Variants in OR6B1 observed in about 807,000 individuals in gnomAD.
OR6B1 encodes olfactory receptor 6B1.
In OR6B1, 15 loss-of-function variants were observed where a neutral mutation model predicts 15.4. That is an observed-to-expected ratio of 0.97 (90% CI 0.65 to 1.50). OR6B1 has a LOEUF of 1.50. Among genes scored for constraint, OR6B1 ranks in the 40% most tolerant of loss-of-function variants. The pLI, the probability that OR6B1 is intolerant of heterozygous loss-of-function variation, is 0.00. For missense variants in OR6B1, 384 were observed against 385.0 expected, an observed-to-expected ratio of 1.00 and a Z score of 0.02; for synonymous variants, 139 against 144.9, an observed-to-expected ratio of 0.96 and a Z score of 0.29.
In OR6B1 at chr7:144,007,609, G is replaced by T. The variant is rs2050632662; in HGVS notation, c.*2677G>T. The T allele has an allele frequency of 6.6e-6, 1 of 151,854 alleles. No individual in the cohort carries two copies. 9.4% of individuals were successfully genotyped at this position (151,854 alleles called of 1,614,324 possible). On this transcript the variant is annotated 3_prime_UTR_variant, in exon 2 of 2. Transcript: ENST00000641698. ...TAAAGATCTATTATGTACGTGTAGG[G>T]ATACAATAGCAAAATATTAAAACTT...
rs2050636570 is a variant in OR6B1, at chr7:144,008,028, C to A, written c.*3096C>A. On this transcript the variant is annotated 3_prime_UTR_variant, in exon 2 of 2. Transcript: ENST00000641698. Reference sequence around the variant, plus strand: ...AAGCTGGAAGATATAAGTAATGATTCTCCCCCCCTAGAGCTGTCAAAGGAA... The same window carrying A: ...AAGCTGGAAGATATAAGTAATGATTATCCCCCCCTAGAGCTGTCAAAGGAA... The A allele has an allele frequency of 6.6e-6, 1 of 152,322 alleles. No homozygotes were observed. Among genetic ancestry groups the A allele is most frequent in the Middle Eastern group, 3.4e-3 (1 of 296 alleles). 9.4% of individuals were successfully genotyped at this position (152,322 alleles called of 1,614,324 possible).
rs766092045 is a variant in OR6B1 at position 144,004,379 on chromosome 7, G to T, written c.383G>T (p.Arg128Leu). The T allele has an allele frequency of 1.2e-6, 2 of 1,613,926 alleles. No individual in the cohort carries two copies. The highest frequency in any genetic ancestry group is 1.7e-6 in the Non-Finnish European group (2 of 1,180,012). ...TATGACCGGTATGTGGCCATCTGTC[G>T]CCCACTCCACTACCCAACCATAATG... ...MAYDRYVAIC[R>L]PLHYPTIMSH... The change falls in exon 2 of 2, where the codon CGC becomes CTC. Residue 128 changes from arginine to leucine, a missense_variant. By Grantham distance (102) the Arg-to-Leu change is moderately radical (BLOSUM62 -2). Transcript: ENST00000641698.
At position 144,004,055 on chromosome 7, in the gene OR6B1, G is replaced by C; in HGVS notation, c.59G>C (p.Ser20Thr). Residue 20 changes from serine to threonine, a missense_variant, in exon 2 of 2, where the codon AGC becomes ACC. Ser to Thr is a moderately conservative substitution (Grantham distance 58). Transcript: ENST00000641698. ...TTCATTCTGGTGGGATTCCCTGGGA[G>C]CTTGAGTATGCGGGCAGCCATGTTT... Reference protein sequence around the residue: ...TKFILVGFPGSLSMRAAMFLI... With the variant: ...TKFILVGFPGTLSMRAAMFLI... 1 of 1,614,072 alleles carries C rather than the reference G, an allele frequency of 6.2e-7. No homozygotes were observed. Among genetic ancestry groups the C allele is most frequent in the Non-Finnish European group, 8.5e-7 (1 of 1,179,994 alleles).
In OR6B1 at chr7:144,004,077, G is replaced by T. The variant is rs2050602588; in HGVS notation, c.81G>T (p.Met27Ile). The change falls in exon 2 of 2, where the codon ATG (methionine) becomes ATT (isoleucine). Residue 27 changes from methionine (M) to isoleucine (I), a missense_variant. Coordinates refer to ENST00000641698, the MANE Select transcript of OR6B1 (RefSeq NM_001005281.3). ...GGAGCTTGAGTATGCGGGCAGCCAT[G>T]TTTCTGATATTCCTTGTGGCCTATA... ...FPGSLSMRAA[M>I]FLIFLVAYIL... 6.2e-7 allele frequency: 1 copy of T among 1,613,986 alleles called. No individual in the cohort carries two copies. The highest frequency in any genetic ancestry group is 1.1e-5 in the South Asian group (1 of 91,084).
At position 144,004,296 on chromosome 7, in the gene OR6B1, A is replaced by G. The variant is rs182442940; in HGVS notation, c.300A>G (p.Gln100=). Residue 100 remains glutamine (Q), a synonymous_variant, in exon 2 of 2, where the codon CAA becomes CAG. Coordinates refer to ENST00000641698, the MANE Select transcript of OR6B1 (RefSeq NM_001005281.3). ...TCTCTTTCACACTCTGTATGATACA[A>G]CTGTACTTCTTCATTGCTCTCATGT... ...NSISFTLCMI[Q]LYFFIALMCT... is the part of the protein sequence containing the mutation. 8 of 1,614,132 alleles carry G rather than the reference A, an allele frequency of 5.0e-6. 1 individual carries two copies. The South Asian group carries it at 6.6e-5, about 13-fold the overall frequency.
Position 144,003,810 on chromosome 7 carries a change from C to T in OR6B1, c.-25-162C>T, listed in dbSNP as rs865799943. The T allele has an allele frequency of 2.5e-5, 15 of 592,162 alleles. No individual in the cohort carries two copies. The East Asian group carries it at 3.4e-4, about 13-fold the overall frequency. 36.7% of individuals were successfully genotyped at this position (592,162 alleles called of 1,614,324 possible). On this transcript the variant is annotated intron_variant, in intron 1 of 1. Transcript: ENST00000641698. ...ACACACACACACACACACACACACA[C>T]GGCTATGTGGAAATTAAATTACGTT...
chr7:144,006,185 A>C lies in OR6B1; in HGVS notation c.*1253A>C, dbSNP rs537576683. Reference sequence around the variant, plus strand: ...TATAAACTTCCAGAACAGATGTTCAAGGAAGTAAATAACATACAACCACAG... The same window carrying C: ...TATAAACTTCCAGAACAGATGTTCACGGAAGTAAATAACATACAACCACAG... On this transcript the variant is annotated 3_prime_UTR_variant, in exon 2 of 2. Coordinates refer to ENST00000641698, the MANE Select transcript of OR6B1 (RefSeq NM_001005281.3). 5 of 152,362 alleles carry C rather than the reference A, an allele frequency of 3.3e-5. No individual in the cohort carries two copies. The East Asian group carries it at 5.8e-4, about 18-fold the overall frequency. 9.4% of individuals were successfully genotyped at this position (152,362 alleles called of 1,614,324 possible). A position where few individuals can be genotyped will look rare whatever the true frequency, so the allele number is the denominator to read the frequency against.
Position 144,004,989 on chromosome 7 carries a change from A to G in OR6B1, c.*57A>G, listed in dbSNP as rs1468391548. ...AGTGGGTGCCTGTATGTCTTCCTCC[A>G]TCCTTTCTCCTTTAACGACTCAGTT... is the stretch of plus-strand genomic sequence containing the variant. On this transcript the variant is annotated 3_prime_UTR_variant, in exon 2 of 2. Transcript: ENST00000641698. 1.5e-5 allele frequency: 19 copies of G among 1,258,882 alleles called. No homozygotes were observed. The highest frequency in any genetic ancestry group is 2.1e-5 in the Non-Finnish European group (19 of 913,206). The allele number at this position is 1,258,882 out of a possible 1,614,324, so 78.0% of individuals were successfully genotyped here.
At chr7:144,000,725 C>A (rs1164341102) in intron 1 of OR6B1, 75 bp downstream of exon 1, 1 of 152,632 alleles carries the variant, frequency 6.6e-6, no homozygotes, top group Non-Finnish European at 1.5e-5. Flanking sequence ...AGCGCAGCAA[C>A]ATTTAAACTC....
intron 1 of OR6B1, among the ~76,000 whole-genome samples, chr7:144,001,752 G>T (rs978917457): frequency 6.6e-6 from 1 of 152,034 alleles, no homozygotes; most frequent in Admixed American, 6.6e-5. Flanking sequence ...GCCCACTCAC[G>T]CAGCAATTAT....
chr7:144,004,286 G>A lies in OR6B1; in HGVS notation c.290G>A (p.Cys97Tyr). Reference protein sequence around the residue: ...SVNNSISFTLCMIQLYFFIAL... With the variant: ...SVNNSISFTLYMIQLYFFIAL... ...AACAACAGCATCTCTTTCACACTCTGTATGATACAACTGTACTTCTTCATT... is the reference window on the plus strand; with the variant it reads ...AACAACAGCATCTCTTTCACACTCTATATGATACAACTGTACTTCTTCATT... Residue 97 changes from cysteine to tyrosine, a missense_variant, in exon 2 of 2, where the codon TGT becomes TAT. By Grantham distance (194) the Cys-to-Tyr change is radical. Transcript: ENST00000641698. 1 of 1,614,192 alleles carries A rather than the reference G, an allele frequency of 6.2e-7. No individual in the cohort carries two copies. Among genetic ancestry groups the A allele is most frequent in the Non-Finnish European group, 8.5e-7 (1 of 1,180,032 alleles).
Position 144,004,849 on chromosome 7 carries a change from C to T in OR6B1, c.853C>T (p.Pro285Ser). The change falls in exon 2 of 2, where the codon CCT (proline) becomes TCT (serine). Residue 285 changes from proline to serine, a missense_variant. Transcript: ENST00000641698. ...TGCCATTGTCACTCCTTCTCTCAAC[C>T]CTTTCATTTATTGCCTAAGAAACCG... ...FYAIVTPSLNPFIYCLRNREV... is the reference protein window; with the variant it reads ...FYAIVTPSLNSFIYCLRNREV... 1.2e-6 allele frequency: 2 copies of T among 1,613,398 alleles called. No homozygotes were observed. The highest frequency in any genetic ancestry group is 1.7e-6 in the Non-Finnish European group (2 of 1,180,028).
chr7:144,004,893 G>A lies in OR6B1; in HGVS notation c.897G>A (p.Leu299=), dbSNP rs1007744386. Residue 299 remains leucine (L), a synonymous_variant, in exon 2 of 2, where the codon CTG becomes CTA. Coordinates refer to ENST00000641698, the MANE Select transcript of OR6B1 (RefSeq NM_001005281.3). ...CLRNREVKEA[L]KKLAYCQASR... ...GAAACCGAGAGGTCAAGGAAGCTCTGAAGAAACTGGCATATTGCCAGGCCA... is the reference window on the plus strand; with the variant it reads ...GAAACCGAGAGGTCAAGGAAGCTCTAAAGAAACTGGCATATTGCCAGGCCA... 6.2e-6 allele frequency: 10 copies of A among 1,608,620 alleles called. No homozygotes were observed. In the African/African-American group the frequency reaches 1.2e-4, roughly 19 times the overall value.
Position 144,004,508 on chromosome 7 carries a change from C to T in OR6B1, c.512C>T (p.Pro171Leu). 2 of 1,614,168 alleles carry T rather than the reference C, an allele frequency of 1.2e-6. No homozygotes were observed. The highest frequency in any genetic ancestry group is 2.2e-5 in the South Asian group (2 of 91,080). Residue 171 changes from proline (P) to leucine (L), a missense_variant, in exon 2 of 2, where the codon CCC becomes CTC. Pro to Leu is a moderately conservative substitution (Grantham distance 98). Transcript: ENST00000641698. Reference sequence around the variant, plus strand: ...ATCTCCTGCCTCAGCTTCTGTGGTCCCAATGTCATCAACCACTTCTTCTGT... The same window carrying T: ...ATCTCCTGCCTCAGCTTCTGTGGTCTCAATGTCATCAACCACTTCTTCTGT... ...YFISCLSFCG[P>L]NVINHFFCDI...
In OR6B1 at chr7:144,003,913, C is replaced by A. The variant is rs1049837839; in HGVS notation, c.-25-59C>A. 15 of 872,790 alleles carry A rather than the reference C, an allele frequency of 1.7e-5. No homozygotes were observed. In the Admixed American group the frequency reaches 3.8e-4, roughly 22 times the overall value. The allele number at this position is 872,790 out of a possible 1,614,324, so 54.1% of individuals were successfully genotyped here. A position where few individuals can be genotyped will look rare whatever the true frequency, so the allele number is the denominator to read the frequency against. ...TGATAACTATTACTGATAGAGAAGA[C>A]AAGTATGGAAAAATATAGCTGGGCC... On this transcript the variant is annotated intron_variant, in intron 1 of 1. Transcript: ENST00000641698.
rs1488673674 is a variant in OR6B1, at chr7:144,008,584, C to G, written c.*3652C>G. 1.3e-5 allele frequency: 2 copies of G among 152,142 alleles called. No individual in the cohort carries two copies. Among genetic ancestry groups the G allele is most frequent in the African/African-American group, 2.4e-5 (1 of 41,406 alleles). The allele number at this position is 152,142 out of a possible 1,614,324, so 9.4% of individuals were successfully genotyped here. On this transcript the variant is annotated 3_prime_UTR_variant, in exon 2 of 2. Coordinates refer to ENST00000641698, the MANE Select transcript of OR6B1 (RefSeq NM_001005281.3). ...TGATTGCATCATGGGGGTGGTTCCC[C>G]CATGCTGTTCTCATGATAGTGAGTG...
At chr7:144,001,756 C>T (rs544012968) in intron 1 of OR6B1, among the ~76,000 whole-genome samples, 1 of 152,302 alleles carries the variant, frequency 6.6e-6, no homozygotes, top group South Asian at 2.1e-4. Context: ...ACTCACGCAG[C>T]AATTATGAGT....
At position 144,004,555 on chromosome 7, in the gene OR6B1, C is replaced by T; in HGVS notation, c.559C>T (p.Leu187Phe). The change falls in exon 2 of 2, where the codon CTC (leucine) becomes TTC (phenylalanine). Residue 187 changes from leucine to phenylalanine, a missense_variant. Coordinates refer to ENST00000641698, the MANE Select transcript of OR6B1 (RefSeq NM_001005281.3). ...FFCDISPVLN[L>F]SCTDMSITEL... The stretch of plus-strand genomic sequence containing the variant: ...CTGTGACATCTCTCCAGTACTTAAT[C>T]TCTCCTGCACAGACATGTCCATAAC... The T allele has an allele frequency of 6.2e-7, 1 of 1,614,176 alleles. No individual in the cohort carries two copies. The highest frequency in any genetic ancestry group is 8.5e-7 in the Non-Finnish European group (1 of 1,180,006).
At position 144,006,789 on chromosome 7, in the gene OR6B1, C is replaced by G. The variant is rs578182913; in HGVS notation, c.*1857C>G. On this transcript the variant is annotated 3_prime_UTR_variant, in exon 2 of 2. Transcript: ENST00000641698. The stretch of plus-strand genomic sequence containing the variant: ...ATATATATTCACCATGTGACCTTGG[C>G]CAAACCATCTATACTTTTGGAAACA... 6.6e-4 allele frequency: 101 copies of G among 152,268 alleles called. No individual in the cohort carries two copies. The highest frequency in any genetic ancestry group is 2.3e-3 in the African/African-American group (97 of 41,568). The allele number at this position is 152,268 out of a possible 1,614,324, so 9.4% of individuals were successfully genotyped here.
Sources: allele counts gnomAD v4.1 joint callset (sites outside exome capture counted in the v4.1 genomes callset), GRCh38; gene constraint gnomAD v4.1.1; transcripts MANE v1.5; gene names NCBI Gene and HGNC (gene_info 2026-07-23, HGNC 2026-07-21).